Variants in KIAA1217 observed in about 807,000 individuals in gnomAD.
KIAA1217 encodes sickle tail protein homolog.
KIAA1217 carries 88 observed loss-of-function variants against 163.9 expected under a neutral mutation model. The observed-to-expected ratio is 0.54, with a 90% CI of 0.45 to 0.64. The LOEUF is 0.64. Ranked by LOEUF, KIAA1217 falls within the 30% of genes least tolerant of loss-of-function variation. The pLI is 0.00. For synonymous variants in KIAA1217, 903 were observed against 923.1 expected, an observed-to-expected ratio of 0.98 and a Z score of 0.39; for missense variants, 2,372 against 2,475.0, an observed-to-expected ratio of 0.96 and a Z score of 0.88.
At position 24,200,657 on chromosome 10, in the gene KIAA1217, A is replaced by G. The variant is rs150075231; in HGVS notation, c.-170-18969A>G. ...GACGCCACCTGTATCCCTTCGCTATATATTTCATATTCGAATTCTGTAAAG... is the reference window on the plus strand; with the variant it reads ...GACGCCACCTGTATCCCTTCGCTATGTATTTCATATTCGAATTCTGTAAAG... On this transcript the variant is annotated intron_variant, in intron 2 of 18. Coordinates refer to the KIAA1217 transcript ENST00000376462. Among the ~76,000 whole-genome samples the G allele has an allele frequency of 1.9e-3, 283 of 152,256 alleles. 2 individuals are homozygous for G. The highest frequency in any genetic ancestry group is 6.6e-3 in the African/African-American group (276 of 41,548).
At chr10:23,834,215 C>A (rs16923948) in intron 1 of KIAA1217, among the ~76,000 whole-genome samples, 2 of 152,096 alleles carry the variant, frequency 1.3e-5, no homozygotes, top group Non-Finnish European at 2.9e-5. Flanking sequence ...TAGTTCAGAA[C>A]CAGATCTTAT....
chr10:23,875,632 TAA>T (rs552272134), intron 1 of KIAA1217, among the ~76,000 whole-genome samples: 57 of 152,092 alleles, frequency 3.7e-4, no homozygotes, highest in African/African-American at 1.4e-3. Context: ...CATTCTACTA[TAA>T]AGACACATAC....
chr10:24,196,271 C>T (rs1354022646), intron 2 of KIAA1217, among the ~76,000 whole-genome samples: 3 of 152,186 alleles, frequency 2.0e-5, no homozygotes, highest in Admixed American at 6.5e-5. Context: ...CCCCACCCAA[C>T]GCGCAGTGTC....
chr10:23,959,075 T>C (rs1844702426), intron 1 of KIAA1217, among the ~76,000 whole-genome samples: 1 of 151,736 alleles, frequency 6.6e-6, no homozygotes, highest in African/African-American at 2.4e-5. Flanking sequence ...CATTTCATTA[T>C]GGAAAGAAGG....
chr10:24,163,286 C>T (rs1377205405), intron 2 of KIAA1217, among the ~76,000 whole-genome samples: 1 of 152,190 alleles, frequency 6.6e-6, no homozygotes, highest in South Asian at 2.1e-4. Flanking sequence ...ATCAAAAATG[C>T]TCTGTGTCTT....
intron 2 of KIAA1217, among the ~76,000 whole-genome samples, chr10:24,243,657 T>TAC (rs1181059862): frequency 7.2e-5 from 10 of 139,736 alleles, no homozygotes; most frequent in South Asian, 2.3e-4. Flanking sequence ...TATATATATA[T>TAC]ATACACATCT....
At chr10:24,171,745 C>T (rs1013931765) in intron 2 of KIAA1217, among the ~76,000 whole-genome samples, 1 of 152,010 alleles carries the variant, frequency 6.6e-6, no homozygotes, top group South Asian at 2.1e-4. Context: ...TAAGATTGCA[C>T]CATTGCACTC....
rs1480109966 is a variant in KIAA1217 at position 23,960,108 on chromosome 10, G to C, written c.-320-47117G>C. Among the ~76,000 whole-genome samples the C allele has an allele frequency of 2.6e-5, 4 of 151,458 alleles. No homozygotes were observed. The East Asian group carries it at 7.9e-4, about 30-fold the overall frequency. On this transcript the variant is annotated intron_variant, in intron 1 of 18. Coordinates refer to the KIAA1217 transcript ENST00000376462. ...TTTTTTGTATTTTTAGTAGAGATGG[G>C]GTTTCACTGTGTTAGCCAGGGTGGT...
intron 1 of KIAA1217, among the ~76,000 whole-genome samples, chr10:23,936,686 C>A (rs57143860): frequency 0.14 from 20,869 of 152,080 alleles, 3,409 homozygotes; most frequent in African/African-American, 0.4. Flanking sequence ...TTCCCTGGAG[C>A]TTTCAGAGGC....
chr10:23,847,825 A>T (rs1490993211), intron 1 of KIAA1217, among the ~76,000 whole-genome samples: 2 of 151,858 alleles, frequency 1.3e-5, no homozygotes, highest in Non-Finnish European at 2.9e-5. Context: ...TCGATTTTAG[A>T]TCTTTCCTGC....
At chr10:24,183,440 C>T (rs2066275428) in intron 2 of KIAA1217, among the ~76,000 whole-genome samples, 1 of 152,122 alleles carries the variant, frequency 6.6e-6, no homozygotes, top group Admixed American at 6.6e-5. Flanking sequence ...GCTTCTCATT[C>T]ATCTTCAGAA....
intron 1 of KIAA1217, among the ~76,000 whole-genome samples, chr10:23,987,394 C>CAAAAATT (rs1564589303): frequency 1.5e-5 from 2 of 131,924 alleles, no homozygotes; most frequent in South Asian, 2.4e-4. Context: ...AAAAAAAAAG[C>CAAAAATT]CACCCTTCTT....
intron 1 of KIAA1217, among the ~76,000 whole-genome samples, chr10:23,810,756 G>T (rs1836978044): frequency 8.1e-6 from 1 of 123,002 alleles, no homozygotes; most frequent in African/African-American, 3.2e-5. Context: ...ATATAATATA[G>T]TATTATATAA....
At chr10:24,347,770 T>A (rs937347845) in intron 2 of KIAA1217, among the ~76,000 whole-genome samples, 1 of 152,190 alleles carries the variant, frequency 6.6e-6, no homozygotes. Flanking sequence ...TTGAGGTTTT[T>A]TTCCCCCCAG....
intron 2 of KIAA1217, among the ~76,000 whole-genome samples, chr10:24,151,945 C>A (rs1236278221): frequency 6.6e-6 from 1 of 152,084 alleles, no homozygotes; most frequent in Non-Finnish European, 1.5e-5. Flanking sequence ...GTACTCTTCC[C>A]AACCATTTAA....
chr10:24,433,136 T>C lies in KIAA1217; in HGVS notation c.695T>C (p.Val232Ala). 1 of 1,614,132 alleles carries C rather than the reference T, an allele frequency of 6.2e-7. No individual in the cohort carries two copies. Among genetic ancestry groups the C allele is most frequent in the Non-Finnish European group, 8.5e-7 (1 of 1,180,014 alleles). The stretch of plus-strand genomic sequence containing the variant: ...ATGAAAATGCTGGAATCGCCCAGTG[T>C]CGCCATTTACATCAAAGATGAAAGC... The part of the protein sequence containing the change: ...LTMKMLESPS[V>A]AIYIKDESRN... Residue 232 changes from valine to alanine, a missense_variant, in exon 4 of 21, where the codon GTC becomes GCC. This residue lies in a region of KIAA1217 where 1,431 missense variants were observed against 1,470.3 expected (regional missense o/e 0.97). Coordinates refer to ENST00000376454, the MANE Select transcript of KIAA1217 (RefSeq NM_019590.5).
chr10:24,214,709 C>A (rs369284958), intron 1 of KIAA1217, among the ~76,000 whole-genome samples: 126 of 152,342 alleles, frequency 8.3e-4, no homozygotes, highest in African/African-American at 3.0e-3. Context: ...CCCTATGATG[C>A]TCCCTATGAC....
chr10:24,545,378 G>C, intron 20 of KIAA1217: 2 of 1,351,940 alleles, frequency 1.5e-6, no homozygotes, highest in Middle Eastern at 2.8e-4. Flanking sequence ...TTTCTTTGGT[G>C]AATGTAGTGT....
chr10:23,737,190 A>G (rs1249192145), intron 1 of KIAA1217, among the ~76,000 whole-genome samples: 1 of 152,004 alleles, frequency 6.6e-6, no homozygotes, highest in Admixed American at 6.6e-5. Context: ...TTTAAATTCT[A>G]CCAGACTTAC....
Sources: gnomAD v4.1 joint callset for allele counts (sites outside exome capture counted in the v4.1 genomes callset) on GRCh38, gnomAD v4.1.1 for gene constraint, gnomAD v4.1.1 regional missense constraint, MANE v1.5 for transcripts, NCBI Gene and HGNC (gene_info 2026-07-23, HGNC 2026-07-21) for gene names.